FOXP2: variants seen among roughly 807,000 people sequenced by gnomAD.
The protein encoded by FOXP2 is forkhead box P2, also known as forkhead box protein P2.
A neutral mutation model predicts 115.8 loss-of-function variants in FOXP2; 12 were observed. That is an observed-to-expected ratio of 0.10 (90% CI 0.07 to 0.17). The LOEUF is 0.17. Among genes scored for constraint, FOXP2 ranks in the 10% least tolerant of loss-of-function variants. The pLI is 1.00. For missense variants in FOXP2, 629 were observed against 843.5 expected (o/e 0.75, Z 3.15); for synonymous variants, 328 against 297.7 (o/e 1.10, Z -1.05).
At chr7:114,283,567 T>A (rs1277986420) in intron 1 of FOXP2, among the ~76,000 whole-genome samples, 12 of 152,112 alleles carry the variant, frequency 7.9e-5, no homozygotes, top group Non-Finnish European at 1.6e-4. Context: ...TAGAAGACAA[T>A]AGAGTAGAAA....
chr7:114,451,798 G>T lies in FOXP2; in HGVS notation c.168+25119G>T, dbSNP rs184025916. Reference sequence around the variant, plus strand: ...ATGTTATGAGAAAGGACTGCAGAGAGCACCAGATTGAGAAAGTGACAATTA... The same window carrying T: ...ATGTTATGAGAAAGGACTGCAGAGATCACCAGATTGAGAAAGTGACAATTA... On this transcript the variant is annotated intron_variant, in intron 2 of 16. Coordinates refer to ENST00000350908, the MANE Select transcript of FOXP2 (RefSeq NM_014491.4). Among the ~76,000 whole-genome samples the T allele has an allele frequency of 2.6e-5, 4 of 152,148 alleles. No homozygotes were observed. The East Asian group carries it at 5.8e-4, about 22-fold the overall frequency.
intron 2 of FOXP2, among the ~76,000 whole-genome samples, chr7:114,467,972 C>T (rs1795884809): frequency 6.6e-6 from 1 of 152,118 alleles, no homozygotes; most frequent in Non-Finnish European, 1.5e-5. Context: ...CTACTCGTCC[C>T]CAAAGGCATT....
intron 1 of FOXP2, among the ~76,000 whole-genome samples, chr7:114,096,300 A>G (rs1171613762): frequency 6.6e-6 from 1 of 152,232 alleles, no homozygotes; most frequent in East Asian, 1.9e-4. Context: ...TCCTATGACT[A>G]AAAATGAAAT....
At chr7:114,228,254 G>C (rs940357077) in intron 1 of FOXP2, among the ~76,000 whole-genome samples, 3 of 151,856 alleles carry the variant, frequency 2.0e-5, no homozygotes, top group African/African-American at 7.2e-5. Context: ...AGACCTACTA[G>C]GAATTTTTTG....
chr7:114,231,177 T>C (rs1462407600), intron 1 of FOXP2, among the ~76,000 whole-genome samples: 4 of 152,066 alleles, frequency 2.6e-5, no homozygotes, highest in Non-Finnish European at 5.9e-5. Flanking sequence ...TCAATAAACT[T>C]AACCAAAAGA....
chr7:114,261,414 A>G (rs992507945), intron 1 of FOXP2, among the ~76,000 whole-genome samples: 2 of 152,170 alleles, frequency 1.3e-5, no homozygotes, highest in Admixed American at 6.5e-5. Flanking sequence ...CTGCACTCCT[A>G]TTCCTTGCGT....
chr7:114,528,056 A>G (rs907626741), intron 2 of FOXP2, among the ~76,000 whole-genome samples: 1 of 152,096 alleles, frequency 6.6e-6, no homozygotes, highest in African/African-American at 2.4e-5. Context: ...CTTACCTGCT[A>G]TATAACATGA....
chr7:114,106,072 G>A (rs1007464480), intron 1 of FOXP2, among the ~76,000 whole-genome samples: 5 of 152,088 alleles, frequency 3.3e-5, no homozygotes, highest in Non-Finnish European at 7.4e-5. Flanking sequence ...TAATGGAGAT[G>A]TGGACTTAAC....
chr7:114,496,349 C>T (rs1797321364), intron 2 of FOXP2, among the ~76,000 whole-genome samples: 1 of 151,984 alleles, frequency 6.6e-6, no homozygotes. Flanking sequence ...TGATGTCTTC[C>T]AATTTTTAAG....
At chr7:114,305,122 G>A (rs1360953073) in intron 2 of FOXP2, among the ~76,000 whole-genome samples, 1 of 152,052 alleles carries the variant, frequency 6.6e-6, no homozygotes, top group Non-Finnish European at 1.5e-5. Context: ...AGGTTTGTAA[G>A]ATGTTTAATT....
At chr7:114,570,955 A>T (rs141491371) in intron 3 of FOXP2, 3 of 1,290,828 alleles carry the variant, frequency 2.3e-6, no homozygotes, top group South Asian at 2.4e-5. Context: ...TAAATAGATT[A>T]TATGTGATTT....
chr7:114,249,140 G>C (rs761574989), intron 1 of FOXP2, among the ~76,000 whole-genome samples: 4 of 152,188 alleles, frequency 2.6e-5, no homozygotes, highest in Middle Eastern at 3.2e-3. Context: ...AGGGGGAAAA[G>C]TAATGCCTAG....
intron 1 of FOXP2, among the ~76,000 whole-genome samples, chr7:114,284,987 T>C (rs537455175): frequency 1.3e-5 from 2 of 152,058 alleles, no homozygotes; most frequent in African/African-American, 2.4e-5. Flanking sequence ...TGAGAACACA[T>C]AGACGCATAA....
chr7:114,633,451 T>C (rs569974712), intron 6 of FOXP2, among the ~76,000 whole-genome samples: 8 of 152,258 alleles, frequency 5.3e-5, no homozygotes, highest in African/African-American at 1.7e-4. Context: ...GGAAAGTAAA[T>C]CTGAAAACAT....
At chr7:114,569,771 G>A (rs1014926444) in intron 3 of FOXP2, among the ~76,000 whole-genome samples, 2 of 151,808 alleles carry the variant, frequency 1.3e-5, no homozygotes, top group Non-Finnish European at 2.9e-5. Context: ...CAAGAAAATG[G>A]CATGTAGTCA....
intron 2 of FOXP2, among the ~76,000 whole-genome samples, chr7:114,385,218 C>A (rs1186003238): frequency 6.6e-6 from 1 of 151,994 alleles, no homozygotes; most frequent in South Asian, 2.1e-4. Context: ...TGCCTAAGGA[C>A]ATAGCATAGA....
chr7:114,534,691 A>G lies in FOXP2; in HGVS notation c.243A>G (p.Lys81=). Residue 81 remains lysine, a synonymous_variant, in exon 3 of 17, where the codon AAA becomes AAG. Coordinates refer to ENST00000350908, the MANE Select transcript of FOXP2 (RefSeq NM_014491.4). ...TGAAATCTCCTAAGAGCAGTGATAAACAGAGACCACTGCAGGTTAGTAAAG... is the reference window on the plus strand; with the variant it reads ...TGAAATCTCCTAAGAGCAGTGATAAGCAGAGACCACTGCAGGTTAGTAAAG... ...SGLKSPKSSD[K]QRPLQVPVSV... is the part of the protein sequence containing the mutation. 1 of 1,611,664 alleles carries G rather than the reference A, an allele frequency of 6.2e-7. No homozygotes were observed.
intron 2 of FOXP2, among the ~76,000 whole-genome samples, chr7:114,369,318 A>G (rs1192024527): frequency 6.6e-6 from 1 of 152,180 alleles, no homozygotes; most frequent in African/African-American, 2.4e-5. Flanking sequence ...ACAAGTAGTC[A>G]AGAATTTGTA....
intron 2 of FOXP2, among the ~76,000 whole-genome samples, chr7:114,526,108 G>A (rs913435095): frequency 1.1e-4 from 14 of 133,076 alleles, no homozygotes; most frequent in Non-Finnish European, 2.0e-4. Context: ...GTGAAATTTC[G>A]TCTCAAAAAC....
Sources: allele counts gnomAD v4.1 joint callset (sites outside exome capture counted in the v4.1 genomes callset), GRCh38; gene constraint gnomAD v4.1.1; transcripts MANE v1.5; gene names NCBI Gene and HGNC (gene_info 2026-07-23, HGNC 2026-07-21).